Variants in RANBP2 observed in about 807,000 individuals in gnomAD.
RANBP2 encodes the protein E3 SUMO-protein ligase RanBP2.
RANBP2 carries 57 observed loss-of-function variants against 303.6 expected under a neutral mutation model. That is an observed-to-expected ratio of 0.19 (90% CI 0.15 to 0.23). The LOEUF is 0.23. RANBP2 is among the 10% of genes least tolerant of loss of function. RANBP2 has a pLI of 1.00. For synonymous variants in RANBP2, 1,167 were observed against 1,301.5 expected, an observed-to-expected ratio of 0.90 and a Z score of 2.23; for missense variants, 3,138 against 3,780.8, an observed-to-expected ratio of 0.83 and a Z score of 4.46.
At chr2:109,058,053 G>C in the RANBP2 span, among the ~76,000 whole-genome samples, 11 of 152,164 alleles carry the variant, frequency 7.2e-5, no homozygotes, top group African/African-American at 2.7e-4. Flanking sequence ...CAGGAACAGG[G>C]GTCACTGGGA....
At chr2:109,566,879 G>T in the RANBP2 span, among the ~76,000 whole-genome samples, 2 of 152,116 alleles carry the variant, frequency 1.3e-5, no homozygotes, top group African/African-American at 4.8e-5. Flanking sequence ...TAATTACTAT[G>T]TTTAATATTT....
the RANBP2 span, among the ~76,000 whole-genome samples, chr2:109,430,410 CT>C: frequency 6.6e-6 from 1 of 152,170 alleles, no homozygotes; most frequent in African/African-American, 2.4e-5. Flanking sequence ...CCTCTTCTGC[CT>C]TCCTTTGCCT....
chr2:108,749,183 C>T (rs1378024441), intron 9 of RANBP2, 54 bp downstream of exon 9: 4 of 1,610,444 alleles, frequency 2.5e-6, no homozygotes, highest in African/African-American at 1.3e-5. Context: ...TATAAATTGC[C>T]CATAATCTTA....
At chr2:109,408,219 C>T in the RANBP2 span, among the ~76,000 whole-genome samples, 1 of 152,178 alleles carries the variant, frequency 6.6e-6, no homozygotes, top group Non-Finnish European at 1.5e-5. Flanking sequence ...GACTAGCACA[C>T]AGTCCATGCC....
chr2:109,212,231 A>G, the RANBP2 span, among the ~76,000 whole-genome samples: 1 of 151,468 alleles, frequency 6.6e-6, no homozygotes, highest in Non-Finnish European at 1.5e-5. Flanking sequence ...CCTCTTCTTG[A>G]CTCCTCACTT....
chr2:109,078,556 A>C, the RANBP2 span, among the ~76,000 whole-genome samples: 4 of 149,060 alleles, frequency 2.7e-5, no homozygotes, highest in East Asian at 7.8e-4. Context: ...AAGGATATGA[A>C]GCTTCAGTTA....
chr2:109,527,446 T>A, the RANBP2 span, among the ~76,000 whole-genome samples: 1 of 152,106 alleles, frequency 6.6e-6, no homozygotes, highest in East Asian at 1.9e-4. Context: ...CTGAGATGTG[T>A]CTCACAGATC....
the RANBP2 span, among the ~76,000 whole-genome samples, chr2:108,940,006 T>TA: frequency 1.6e-3 from 237 of 152,316 alleles, 3 homozygotes; most frequent in African/African-American, 5.4e-3. Context: ...ACGTAATCCT[T>TA]AATCATTGAA....
the RANBP2 span, among the ~76,000 whole-genome samples, chr2:109,550,829 T>A: frequency 1.3e-5 from 2 of 152,318 alleles, no homozygotes; most frequent in African/African-American, 4.8e-5. Flanking sequence ...AAGGCTCCTG[T>A]TCTCCTCATG....
chr2:108,899,689 T>C, the RANBP2 span, among the ~76,000 whole-genome samples: 125 of 152,140 alleles, frequency 8.2e-4, no homozygotes, highest in African/African-American at 2.8e-3. Context: ...ACTGGCAAAA[T>C]AATAACACCA....
chr2:109,112,409 T>C, the RANBP2 span, among the ~76,000 whole-genome samples: 1 of 152,158 alleles, frequency 6.6e-6, no homozygotes, highest in Non-Finnish European at 1.5e-5. Context: ...TTTCATGTGT[T>C]TTTTGGCTGC....
At chr2:109,367,183 C>T in the RANBP2 span, among the ~76,000 whole-genome samples, 3 of 146,880 alleles carry the variant, frequency 2.0e-5, no homozygotes, top group South Asian at 2.2e-4. Context: ...AGACTGGTCT[C>T]GAACTCCTGG....
At chr2:108,994,973 G>A in the RANBP2 span, among the ~76,000 whole-genome samples, 1 of 151,416 alleles carries the variant, frequency 6.6e-6, no homozygotes, top group Non-Finnish European at 1.5e-5. Context: ...GGGACTACAG[G>A]CGCCCGCCAC....
the RANBP2 span, among the ~76,000 whole-genome samples, chr2:109,542,162 T>A: frequency 6.6e-6 from 1 of 152,244 alleles, no homozygotes; most frequent in Admixed American, 6.5e-5. Flanking sequence ...AGTGGATAAT[T>A]CATTTTCTAA....
At chr2:109,521,199 C>G in the RANBP2 span, among the ~76,000 whole-genome samples, 1 of 147,556 alleles carries the variant, frequency 6.8e-6, no homozygotes, top group Admixed American at 7.0e-5. Flanking sequence ...GCCTGGGTGA[C>G]AGAGCGAGAC....
the RANBP2 span, among the ~76,000 whole-genome samples, chr2:109,288,149 T>C: frequency 6.6e-6 from 1 of 152,180 alleles, no homozygotes. Context: ...TGAACCTTGG[T>C]TTCCAAGAAG....
the RANBP2 span, among the ~76,000 whole-genome samples, chr2:109,423,344 AC>A: frequency 3.7e-3 from 560 of 152,204 alleles, 5 homozygotes; most frequent in Admixed American, 6.1e-3. Context: ...GGCAGGGATG[AC>A]CTCGCAGACC....
chr2:109,400,893 A>G, the RANBP2 span, among the ~76,000 whole-genome samples: 1 of 152,130 alleles, frequency 6.6e-6, no homozygotes, highest in Non-Finnish European at 1.5e-5. Flanking sequence ...CTGCTAGTGC[A>G]TTTTCTGTAA....
the RANBP2 span, among the ~76,000 whole-genome samples, chr2:109,393,002 T>C: frequency 3.9e-5 from 6 of 152,204 alleles, no homozygotes; most frequent in Admixed American, 1.3e-4. Context: ...TCCTGAAGAA[T>C]GACGTGTTTT....
Sources: allele counts gnomAD v4.1 joint callset (sites outside exome capture counted in the v4.1 genomes callset), GRCh38; gene constraint gnomAD v4.1.1; transcripts MANE v1.5; gene names NCBI Gene and HGNC (gene_info 2026-07-23, HGNC 2026-07-21).